Variants in DMPK observed in about 807,000 individuals in gnomAD.
DMPK encodes the protein myotonin-protein kinase.
Under a neutral mutation model 70.3 loss-of-function variants are expected in DMPK, and 32 were observed. The ratio of observed to expected loss-of-function variants is 0.46; its 90% CI spans 0.34 to 0.61. The LOEUF is 0.61. Ranked by LOEUF, DMPK falls within the 20% of genes least tolerant of loss-of-function variation. DMPK has a pLI of 0.01. For missense variants in DMPK, 899 were observed against 886.0 expected (o/e 1.01, Z -0.19); for synonymous variants, 469 against 390.9 (o/e 1.20, Z -2.36).
intron 1 of DMPK, among the ~76,000 whole-genome samples, chr19:45,781,100 G>C (rs1970091394): frequency 6.6e-6 from 1 of 152,198 alleles, no homozygotes; most frequent in African/African-American, 2.4e-5. Context: ...TGTGAAATGG[G>C]AGGAGGAGGG....
chr19:45,771,436 C>T (rs1568573336), intron 12 of DMPK, 40 bp from the exon 13 acceptor site: 1 of 1,611,064 alleles, frequency 6.2e-7, no homozygotes, highest in Admixed American at 1.7e-5. Context: ...CGTGGAGGGG[C>T]GAAGGAGGGC....
Position 45,775,018 on chromosome 19 carries a change from A to G in DMPK, c.1163T>C (p.Ile388Thr), listed in dbSNP as rs1179010693. 3 of 1,613,688 alleles carry G rather than the reference A, an allele frequency of 1.9e-6. No individual in the cohort carries two copies. The African/African-American group carries it at 4.0e-5, about 22-fold the overall frequency. ...VSGGGETLSDIREGAPLGVHL... is the reference protein window; with the variant it reads ...VSGGGETLSDTREGAPLGVHL... ...GACCCCTAGCGGCGCACCTTCCCGA[A>G]TGTCCGACAGTGTCTCCTGCGCAAG... Residue 388 changes from isoleucine to threonine, a missense_variant, in exon 9 of 15, where the codon ATT becomes ACT. Coordinates refer to ENST00000291270, the MANE Select transcript of DMPK (RefSeq NM_004409.5).
chr19:45,779,943 CTCTG>C (rs761384159), intron 1 of DMPK, 74 bp from the exon 2 acceptor site: 39 of 1,604,704 alleles, frequency 2.4e-5, no homozygotes, highest in South Asian at 1.7e-4. Flanking sequence ...AAGCCCCACC[CTCTG>C]TCTGTCTCCC....
chr19:45,779,457 G>A lies in DMPK; in HGVS notation c.318C>T (p.Asp106=), dbSNP rs775571843. The A allele has an allele frequency of 1.1e-5, 17 of 1,613,778 alleles. No homozygotes were observed. The highest frequency in any genetic ancestry group is 1.4e-5 in the Non-Finnish European group (16 of 1,180,020). ...VYAMKIMNKW[D]MLKRGEVSCF... is the part of the protein sequence containing the mutation. ...CCCTCACCTCGCCCCTCTTCAGCAT[G>A]TCCCACTTGTTCATGATCTTCATGG... The change falls in exon 3 of 15, where the codon GAC becomes GAT. Residue 106 remains aspartate (D), a synonymous_variant. Coordinates refer to ENST00000291270, the MANE Select transcript of DMPK (RefSeq NM_004409.5).
In DMPK at chr19:45,782,372, GGC is replaced by G. The variant is rs1568588897; in HGVS notation, c.-22_-21del. 1 of 1,545,930 alleles carries G rather than the reference GGC, an allele frequency of 6.5e-7. No homozygotes were observed. The highest frequency in any genetic ancestry group is 1.2e-5 in the South Asian group (1 of 84,406). On this transcript the variant is annotated 5_prime_UTR_variant, in exon 1 of 15. Coordinates refer to ENST00000291270, the MANE Select transcript of DMPK (RefSeq NM_004409.5). ...TGACATGTTGGACAGGCAGCACCAT[GGC>G]CCCTCCCCGGGCCGGGGGCTCGGGG...
intron 1 of DMPK, chr19:45,780,405 A>G: frequency 7.1e-7 from 1 of 1,403,228 alleles, no homozygotes; most frequent in African/African-American, 1.4e-5. Flanking sequence ...CAGGACAGGG[A>G]GACAAAGGTA....
chr19:45,770,756 CA>C, intron 14 of DMPK, 116 bp from the exon 15 acceptor site: 1 of 1,251,644 alleles, frequency 8.0e-7, no homozygotes, highest in Non-Finnish European at 1.1e-6. Context: ...GCCCCCGCCC[CA>C]ACAGCCTACA....
In DMPK at chr19:45,770,204, CCAGCAGCAGCAGCAGCAGCAG is replaced by C; in HGVS notation, c.*263_*283del. ...AAGAAAGAAATGGTCTGTGATCCCCCCAGCAGCAGCAGCAGCAGCAGCAGCAGCAGCAGCAGCAGCAGCAGC... is the reference window on the plus strand; with the variant it reads ...AAGAAAGAAATGGTCTGTGATCCCCCCAGCAGCAGCAGCAGCAGCAGCAGC... On this transcript the variant is annotated 3_prime_UTR_variant, in exon 15 of 15. Coordinates refer to ENST00000291270, the MANE Select transcript of DMPK (RefSeq NM_004409.5). 112,004 of 710,948 alleles carry C rather than the reference CCAGCAGCAGCAGCAGCAGCAG, an allele frequency of 0.16. 11,745 individuals carry two copies. The highest frequency in any genetic ancestry group is 0.29 in the Admixed American group (13,272 of 45,896). 44.0% of individuals were successfully genotyped at this position (710,948 alleles called of 1,614,324 possible). A position where few individuals can be genotyped will look rare whatever the true frequency, so the allele number is the denominator to read the frequency against.
In DMPK at chr19:45,778,758, A is replaced by T. The variant is rs1600442901; in HGVS notation, c.433-117T>A. On this transcript the variant is annotated intron_variant, in intron 4 of 14. Transcript: ENST00000291270. ...TCCTTGGGCAGAGACCTGCAGCCCCAGCCCAGAGATAACCATAGAGATCTG... is the reference window on the plus strand; with the variant it reads ...TCCTTGGGCAGAGACCTGCAGCCCCTGCCCAGAGATAACCATAGAGATCTG... 2.7e-6 allele frequency: 3 copies of T among 1,097,746 alleles called. No individual in the cohort carries two copies. The Admixed American group carries it at 7.2e-5, about 26-fold the overall frequency. The allele number at this position is 1,097,746 out of a possible 1,614,324, so 68.0% of individuals were successfully genotyped here.
chr19:45,769,866 C>T lies in DMPK; in HGVS notation c.*622G>A, dbSNP rs888497326. The T allele has an allele frequency of 4.4e-5, 11 of 247,420 alleles. No individual in the cohort carries two copies. The South Asian group carries it at 4.7e-4, about 11-fold the overall frequency. 15.3% of individuals were successfully genotyped at this position (247,420 alleles called of 1,614,324 possible). ...GGGGTCCTGTAGCCTGTCAGCGAGT[C>T]GGAGGACGAGGTCAATAAATATCCA... is the stretch of plus-strand genomic sequence containing the variant. On this transcript the variant is annotated 3_prime_UTR_variant, in exon 15 of 15. Coordinates refer to ENST00000291270, the MANE Select transcript of DMPK (RefSeq NM_004409.5).
intron 13 of DMPK, 74 bp downstream of exon 13, chr19:45,771,276 G>C (rs1156444277): frequency 6.5e-7 from 1 of 1,529,954 alleles, no homozygotes; most frequent in East Asian, 2.3e-5. Flanking sequence ...ATCTGGACGG[G>C]GAGACCAGGA....
chr19:45,775,109 G>T (rs1249772446), intron 8 of DMPK, 75 bp from the exon 9 acceptor site: 6 of 1,219,308 alleles, frequency 4.9e-6, no homozygotes, highest in Non-Finnish European at 7.1e-6. Flanking sequence ...TGGCTTACAT[G>T]TTCCCCCCAA....
intron 10 of DMPK, 33 bp downstream of exon 10, chr19:45,772,608 C>T: frequency 6.9e-7 from 1 of 1,438,976 alleles, no homozygotes; most frequent in Non-Finnish European, 9.5e-7. Context: ...TCCCAATTGT[C>T]CCTGACGGAC....
Position 45,770,265 on chromosome 19 carries a change from C to T in DMPK, c.*223G>A, listed in dbSNP as rs939432226. 13 of 691,040 alleles carry T rather than the reference C, an allele frequency of 1.9e-5. No individual in the cohort carries two copies. Among genetic ancestry groups the T allele is most frequent in the East Asian group, 3.4e-5 (1 of 29,834 alleles). 42.8% of individuals were successfully genotyped at this position (691,040 alleles called of 1,614,324 possible). ...GCAGCAGCAGCAGCAGCAGCAGCAG[C>T]ATTCCCGGCTACAAGGACCCTTCGA... On this transcript the variant is annotated 3_prime_UTR_variant, in exon 15 of 15. Coordinates refer to ENST00000291270, the MANE Select transcript of DMPK (RefSeq NM_004409.5).
intron 8 of DMPK, chr19:45,775,330 G>A: frequency 3.6e-6 from 1 of 277,046 alleles, no homozygotes; most frequent in Non-Finnish European, 6.9e-6. Context: ...ACCACGCCTG[G>A]CTAATTTTTT....
At chr19:45,778,406 T>C in intron 5 of DMPK, 87 bp downstream of exon 5, 1 of 1,535,282 alleles carries the variant, frequency 6.5e-7, no homozygotes, top group Middle Eastern at 2.2e-4. Flanking sequence ...AAGGTCCCTC[T>C]CCAGGCCCTG....
intron 11 of DMPK, 50 bp from the exon 12 acceptor site, chr19:45,771,715 T>C (rs769665642): frequency 3.1e-6 from 5 of 1,608,738 alleles, no homozygotes; most frequent in Admixed American, 3.4e-5. Flanking sequence ...CGAGAGGGGA[T>C]GCCAAGGGTT....
intron 13 of DMPK, 53 bp from the exon 14 acceptor site, chr19:45,771,113 G>C (rs1042659648): frequency 1.4e-6 from 2 of 1,407,724 alleles, no homozygotes. Context: ...AGCCCTCAGC[G>C]GTGGGGCGAG....
At chr19:45,771,130 C>A (rs1188771049) in intron 13 of DMPK, 70 bp from the exon 14 acceptor site, 6 of 1,287,836 alleles carry the variant, frequency 4.7e-6, no homozygotes, top group Non-Finnish European at 6.4e-6. Flanking sequence ...CGAGAGACAG[C>A]GAGGGGAATC....
Sources: allele counts gnomAD v4.1 joint callset (sites outside exome capture counted in the v4.1 genomes callset), GRCh38; gene constraint gnomAD v4.1.1; transcripts MANE v1.5; gene names NCBI Gene and HGNC (gene_info 2026-07-23, HGNC 2026-07-21).